The following JCAD variants were observed in gnomAD, a reference collection of about 807,000 sequenced individuals.
JCAD encodes junctional cadherin 5-associated protein.
JCAD carries 40 observed loss-of-function variants against 98.0 expected under a neutral mutation model. The ratio of observed to expected loss-of-function variants is 0.41; its 90% CI spans 0.32 to 0.53. The LOEUF is 0.53. Among genes scored for constraint, JCAD ranks in the 20% least tolerant of loss-of-function variants. The pLI, the probability that JCAD is intolerant of heterozygous loss-of-function variation, is 0.31. For missense variants in JCAD, 1,705 were observed against 1,738.1 expected (o/e 0.98, Z 0.34); for synonymous variants, 691 against 682.3 (o/e 1.01, Z -0.20).
chr10:30,109,042 C>G (rs1231983381), intron 1 of JCAD, among the ~76,000 whole-genome samples: 9 of 152,162 alleles, frequency 5.9e-5, no homozygotes, highest in African/African-American at 2.2e-4. Context: ...GGCCACAGAG[C>G]TGCTCTCCGC....
intron 1 of JCAD, chr10:30,115,323 T>C (rs1339576923): frequency 6.6e-6 from 1 of 152,184 alleles, no homozygotes; most frequent in East Asian, 1.9e-4. Context: ...ATTTTCTTAA[T>C]CATCCTTTCA....
At chr10:30,031,911 C>T (rs926864210) in intron 2 of JCAD, among the ~76,000 whole-genome samples, 1 of 151,524 alleles carries the variant, frequency 6.6e-6, no homozygotes, top group African/African-American at 2.4e-5. Context: ...CCCGCCACTA[C>T]GCCCGGCTAA....
At chr10:30,080,251 C>G (rs1186908330) in intron 1 of JCAD, among the ~76,000 whole-genome samples, 2 of 152,124 alleles carry the variant, frequency 1.3e-5, no homozygotes, top group Non-Finnish European at 1.5e-5. Context: ...GTGTTGGGTT[C>G]TCTTACTCCC....
intron 3 of JCAD, among the ~76,000 whole-genome samples, chr10:30,018,501 G>A (rs1482297890): frequency 6.6e-6 from 1 of 152,110 alleles, no homozygotes; most frequent in East Asian, 1.9e-4. Context: ...AAGGCTTCTA[G>A]AGCCTTCTAA....
intron 1 of JCAD, among the ~76,000 whole-genome samples, chr10:30,113,297 T>G (rs1468046055): frequency 6.6e-6 from 1 of 151,782 alleles, no homozygotes; most frequent in East Asian, 1.9e-4. Context: ...ATGCCTGTAA[T>G]CCCAGCACTC....
At chr10:30,044,854 C>A (rs1234413006) in intron 2 of JCAD, 2 of 937,364 alleles carry the variant, frequency 2.1e-6, no homozygotes, top group Non-Finnish European at 2.5e-6. Context: ...TTCATTTCAA[C>A]CCAGGGAACC....
intron 1 of JCAD, among the ~76,000 whole-genome samples, chr10:30,093,222 G>A (rs1030377975): frequency 1.3e-5 from 2 of 152,164 alleles, no homozygotes; most frequent in African/African-American, 4.8e-5. Flanking sequence ...GCCAGGGAAG[G>A]AATCTACCTT....
intron 1 of JCAD, among the ~76,000 whole-genome samples, chr10:30,072,658 CT>C (rs5784171): frequency 5.2e-4 from 76 of 146,866 alleles, no homozygotes; most frequent in Non-Finnish European, 4.7e-4. Flanking sequence ...TAAACAATTT[CT>C]TTTTTTTTTT....
At chr10:30,054,674 T>C (rs891954854) in intron 1 of JCAD, among the ~76,000 whole-genome samples, 3 of 113,018 alleles carry the variant, frequency 2.7e-5, no homozygotes, top group African/African-American at 9.2e-5. Flanking sequence ...GGAAAATGCA[T>C]CTTTTTTTTT....
chr10:30,019,741 T>A (rs1477004689), intron 3 of JCAD, among the ~76,000 whole-genome samples: 1 of 152,028 alleles, frequency 6.6e-6, no homozygotes, highest in African/African-American at 2.4e-5. Context: ...CACTTGGAAT[T>A]TGCTGATAGA....
At position 30,047,609 on chromosome 10, in the gene JCAD, G is replaced by C; in HGVS notation, c.204C>G (p.Asp68Glu). 6.2e-7 allele frequency: 1 copy of C among 1,614,124 alleles called. No homozygotes were observed. The highest frequency in any genetic ancestry group is 8.5e-7 in the Non-Finnish European group (1 of 1,180,030). ...KTSAGKGHVSDSESRRSTPRG... is the reference protein window; with the variant it reads ...KTSAGKGHVSESESRRSTPRG... ...TCGGTGTGCTGCGGCGGCTTTCGGA[G>C]TCACTCACATGTCCTTTCCCCGCGG... The change falls in exon 2 of 4, where the codon GAC (aspartate) becomes GAG (glutamate). Residue 68 changes from aspartate to glutamate, a missense_variant. Around this residue, in one of 3 missense-constraint regions of JCAD, gnomAD observed 152 missense variants for 148.0 expected, o/e 1.03. Transcript: ENST00000375377.
At chr10:30,058,893 C>A (rs1344582468) in intron 1 of JCAD, among the ~76,000 whole-genome samples, 1 of 152,194 alleles carries the variant, frequency 6.6e-6, no homozygotes, top group East Asian at 1.9e-4. Flanking sequence ...TAATCCCCAG[C>A]GCAGACCGCG....
chr10:30,029,140 T>A lies in JCAD; in HGVS notation c.1008A>T (p.Glu336Asp), dbSNP rs761109902. ...HELCLSDPGL[E>D]PPVYVPPPSY... is the part of the protein sequence containing the mutation. Reference sequence around the variant, plus strand: ...AGGGCGGAGGCACGTACACTGGAGGTTCCAATCCAGGGTCTGACAGGCAGA... The same window carrying A: ...AGGGCGGAGGCACGTACACTGGAGGATCCAATCCAGGGTCTGACAGGCAGA... Residue 336 changes from glutamate to aspartate, a missense_variant, in exon 3 of 4, where the codon GAA becomes GAT. By Grantham distance (45) the Glu-to-Asp change is conservative. This residue lies in a region of JCAD where 275 missense variants were observed against 346.9 expected (regional missense o/e 0.79). Coordinates refer to ENST00000375377, the MANE Select transcript of JCAD (RefSeq NM_020848.4). 29 of 1,613,718 alleles carry A rather than the reference T, an allele frequency of 1.8e-5. No individual in the cohort carries two copies. The highest frequency in any genetic ancestry group is 2.3e-5 in the Non-Finnish European group (27 of 1,179,962).
chr10:30,030,334 C>T (rs1836964842), intron 2 of JCAD, among the ~76,000 whole-genome samples: 1 of 152,120 alleles, frequency 6.6e-6, no homozygotes, highest in Non-Finnish European at 1.5e-5. Context: ...TCAGCAACTC[C>T]AGAGGATGAG....
In JCAD at chr10:30,070,773, T is replaced by C. The variant is rs561157946; in HGVS notation, n.129-952A>G. On this transcript the variant is annotated intron_variant and non_coding_transcript_variant, in intron 1 of 2. Transcript: ENST00000465712. ...ACCAATACCTTTTTAAAAGCAGTACTACCTTATTTGGGGTCAGGGGCTACC... is the reference window on the plus strand; with the variant it reads ...ACCAATACCTTTTTAAAAGCAGTACCACCTTATTTGGGGTCAGGGGCTACC... 4.5e-4 allele frequency among the ~76,000 whole-genome samples: 68 copies of C among 152,370 alleles called. 1 individual carries two copies. In the South Asian group the frequency reaches 9.3e-3, roughly 21 times the overall value.
Position 30,014,942 on chromosome 10 carries a change from A to T in JCAD, c.*2941T>A, listed in dbSNP as rs1456652628. ...GAAATCCAAGCAGTTATGCACATGG[A>T]CATAATCCTGAAAACCCAGTCAGGG... On this transcript the variant is annotated 3_prime_UTR_variant, in exon 4 of 4. Transcript: ENST00000375377. 6.6e-6 allele frequency: 1 copy of T among 152,210 alleles called. No individual in the cohort carries two copies. Among genetic ancestry groups the T allele is most frequent in the African/African-American group, 2.4e-5 (1 of 41,444 alleles). The allele number at this position is 152,210 out of a possible 1,614,324, so 9.4% of individuals were successfully genotyped here. A position where few individuals can be genotyped will look rare whatever the true frequency, so the allele number is the denominator to read the frequency against.
At chr10:30,101,822 A>T (rs1838475312) in intron 1 of JCAD, among the ~76,000 whole-genome samples, 1 of 152,234 alleles carries the variant, frequency 6.6e-6, no homozygotes. Flanking sequence ...TGTTTCAGTG[A>T]AAGGGGAGAT....
intron 2 of JCAD, among the ~76,000 whole-genome samples, chr10:30,034,700 A>G (rs999009604): frequency 2.6e-5 from 4 of 152,094 alleles, no homozygotes; most frequent in Non-Finnish European, 4.4e-5. Flanking sequence ...GTGACCGCCC[A>G]TCAGTAGCCT....
intron 1 of JCAD, among the ~76,000 whole-genome samples, chr10:30,076,625 C>T (rs865895129): frequency 7.2e-5 from 11 of 152,258 alleles, no homozygotes; most frequent in Middle Eastern, 6.8e-3. Context: ...TGTTTGGCTA[C>T]CCCTTTTATA....
Sources: gnomAD v4.1 joint callset for allele counts (sites outside exome capture counted in the v4.1 genomes callset) on GRCh38, gnomAD v4.1.1 for gene constraint, gnomAD v4.1.1 regional missense constraint, MANE v1.5 for transcripts, NCBI Gene and HGNC (gene_info 2026-07-23, HGNC 2026-07-21) for gene names.